The following KCNMB2 variants were observed in gnomAD, a reference collection of about 807,000 sequenced individuals.
The protein encoded by KCNMB2 is calcium-activated potassium channel subunit beta-2.
A neutral mutation model predicts 24.5 loss-of-function variants in KCNMB2; 9 were observed. The ratio of observed to expected loss-of-function variants is 0.37; its 90% CI spans 0.22 to 0.64. The LOEUF (loss-of-function observed/expected upper bound fraction) is 0.64, where lower values mean the gene tolerates loss of function less well. KCNMB2 is among the 30% of genes least tolerant of loss of function. KCNMB2 has a pLI of 0.63. For synonymous variants in KCNMB2, 109 were observed against 104.4 expected (o/e 1.04, Z -0.27); for missense variants, 226 against 284.3 (o/e 0.79, Z 1.47).
At chr3:178,639,874 T>G (rs903179843) in intron 1 of KCNMB2, among the ~76,000 whole-genome samples, 3 of 152,250 alleles carry the variant, frequency 2.0e-5, no homozygotes, top group Admixed American at 6.5e-5. Context: ...TTAGTTTGCA[T>G]GTCTTGCATA....
chr3:178,605,675 T>C (rs1371274688), intron 1 of KCNMB2, among the ~76,000 whole-genome samples: 1 of 152,170 alleles, frequency 6.6e-6, no homozygotes, highest in African/African-American at 2.4e-5. Flanking sequence ...AAATGAGGAA[T>C]ATTTTATTGG....
chr3:178,718,355 GA>G (rs1722686386), intron 1 of KCNMB2, among the ~76,000 whole-genome samples: 1 of 152,162 alleles, frequency 6.6e-6, no homozygotes, highest in Non-Finnish European at 1.5e-5. Flanking sequence ...CCAAGTCCCT[GA>G]GTTTTTTTCT....
chr3:178,610,173 C>T (rs1011146960), intron 1 of KCNMB2, among the ~76,000 whole-genome samples: 1 of 152,120 alleles, frequency 6.6e-6, no homozygotes, highest in African/African-American at 2.4e-5. Context: ...GTTTTGTTTA[C>T]TGTAGCTCTG....
At chr3:178,653,276 A>C (rs1720197770) in intron 1 of KCNMB2, among the ~76,000 whole-genome samples, 1 of 152,134 alleles carries the variant, frequency 6.6e-6, no homozygotes, top group Non-Finnish European at 1.5e-5. Flanking sequence ...CTAATATAAA[A>C]ATACTAAGTT....
intron 1 of KCNMB2, among the ~76,000 whole-genome samples, chr3:178,591,209 C>G (rs1269550395): frequency 6.6e-6 from 1 of 152,144 alleles, no homozygotes; most frequent in Non-Finnish European, 1.5e-5. Context: ...CCTCAAACAT[C>G]CCTGTACATA....
intron 1 of KCNMB2, among the ~76,000 whole-genome samples, chr3:178,789,138 G>A (rs948742701): frequency 3.9e-5 from 6 of 152,172 alleles, no homozygotes; most frequent in East Asian, 1.9e-4. Context: ...TGAGTTTAAC[G>A]AACCAAGTCA....
At chr3:178,668,130 G>A (rs1720782946) in intron 1 of KCNMB2, among the ~76,000 whole-genome samples, 1 of 152,222 alleles carries the variant, frequency 6.6e-6, no homozygotes, top group South Asian at 2.1e-4. Context: ...ATTCACCCAC[G>A]GAACATGTAT....
At chr3:178,809,211 GT>G (rs1299448768) in intron 2 of KCNMB2, among the ~76,000 whole-genome samples, 1 of 152,176 alleles carries the variant, frequency 6.6e-6, no homozygotes, top group Non-Finnish European at 1.5e-5. Flanking sequence ...AAATCCAAGA[GT>G]TTTGTTGCCC....
At chr3:178,821,461 A>T (rs1714623629) in intron 2 of KCNMB2, among the ~76,000 whole-genome samples, 1 of 152,202 alleles carries the variant, frequency 6.6e-6, no homozygotes, top group African/African-American at 2.4e-5. Context: ...CCTGAACAAA[A>T]GCAAGTCCAA....
At chr3:178,648,077 C>T (rs1461168923) in intron 1 of KCNMB2, among the ~76,000 whole-genome samples, 1 of 152,076 alleles carries the variant, frequency 6.6e-6, no homozygotes, top group African/African-American at 2.4e-5. Context: ...CAAGTGCATG[C>T]AGAGCCCTAT....
intron 1 of KCNMB2, among the ~76,000 whole-genome samples, chr3:178,577,139 C>A (rs1269087668): frequency 6.6e-6 from 1 of 152,152 alleles, no homozygotes; most frequent in African/African-American, 2.4e-5. Context: ...CTGGTGGGTG[C>A]CTCTCTGGGA....
At chr3:178,567,091 T>A (rs1259600131) in intron 1 of KCNMB2, among the ~76,000 whole-genome samples, 2 of 152,210 alleles carry the variant, frequency 1.3e-5, no homozygotes, top group Non-Finnish European at 2.9e-5. Context: ...ATTGAAGGTA[T>A]ACTTTGCATA....
At chr3:178,571,900 C>T (rs762577351) in intron 1 of KCNMB2, among the ~76,000 whole-genome samples, 7 of 152,242 alleles carry the variant, frequency 4.6e-5, no homozygotes, top group South Asian at 2.1e-4. Flanking sequence ...CTATGATATA[C>T]ATGTGCCAAA....
At chr3:178,718,937 A>G (rs1722708035) in intron 1 of KCNMB2, among the ~76,000 whole-genome samples, 1 of 152,140 alleles carries the variant, frequency 6.6e-6, no homozygotes, top group Admixed American at 6.5e-5. Context: ...AAGCAGCCAG[A>G]AGACCCCAAG....
intron 4 of KCNMB2, among the ~76,000 whole-genome samples, chr3:178,839,012 T>C (rs1283598124): frequency 6.6e-6 from 1 of 152,186 alleles, no homozygotes; most frequent in African/African-American, 2.4e-5. Flanking sequence ...AGATAAGCAG[T>C]GATTCTGTCA....
At chr3:178,546,766 G>A (rs1297891591) in intron 1 of KCNMB2, among the ~76,000 whole-genome samples, 2 of 152,228 alleles carry the variant, frequency 1.3e-5, no homozygotes, top group Non-Finnish European at 2.9e-5. Flanking sequence ...AGCCATCCAA[G>A]GTATTAAGCA....
chr3:178,719,466 C>T (rs1315374240), intron 1 of KCNMB2, among the ~76,000 whole-genome samples: 2 of 152,254 alleles, frequency 1.3e-5, no homozygotes, highest in African/African-American at 4.8e-5. Context: ...TAGGCCACTT[C>T]AGAAGTGATT....
intron 1 of KCNMB2, among the ~76,000 whole-genome samples, chr3:178,747,892 G>A (rs1389607038): frequency 6.6e-6 from 1 of 152,186 alleles, no homozygotes; most frequent in Admixed American, 6.5e-5. Flanking sequence ...CCAGTTTTCT[G>A]TTGCTGTAGG....
chr3:178,806,984 A>C (rs1287076704), intron 1 of KCNMB2, among the ~76,000 whole-genome samples: 7 of 152,214 alleles, frequency 4.6e-5, no homozygotes, highest in African/African-American at 1.4e-4. Flanking sequence ...TTTGAACTAA[A>C]ATTTTGGAAA....
Sources: gnomAD v4.1 joint callset for allele counts (sites outside exome capture counted in the v4.1 genomes callset) on GRCh38, gnomAD v4.1.1 for gene constraint, MANE v1.5 for transcripts, NCBI Gene and HGNC (gene_info 2026-07-23, HGNC 2026-07-21) for gene names.